The following DNAH2 variants were observed in gnomAD, a reference collection of about 807,000 sequenced individuals.
DNAH2 encodes dynein axonemal heavy chain 2, also known as axonemal beta dynein heavy chain 2.
Under a neutral mutation model 523.5 loss-of-function variants are expected in DNAH2, and 323 were observed. The observed-to-expected ratio is 0.62, with a 90% confidence interval of 0.56 to 0.68. DNAH2 has a LOEUF of 0.68. DNAH2 is among the 30% of genes least tolerant of loss of function. The pLI is 0.00. For synonymous variants in DNAH2, 2,093 were observed against 2,177.4 expected, an observed-to-expected ratio of 0.96 and a Z score of 1.08; for missense variants, 4,907 against 5,701.5, an observed-to-expected ratio of 0.86 and a Z score of 4.49.
intron 55 of DNAH2, 102 bp from the exon 56 acceptor site, chr17:7,799,001 G>A (rs1156340781): frequency 1.3e-6 from 2 of 1,488,734 alleles, no homozygotes; most frequent in South Asian, 1.3e-5. Flanking sequence ...AGGAGTTCAA[G>A]TCCAGCCTGG....
chr17:7,802,900 T>C (rs1279901349), intron 58 of DNAH2, among the ~76,000 whole-genome samples: 1 of 151,776 alleles, frequency 6.6e-6, no homozygotes, highest in East Asian at 1.9e-4. Flanking sequence ...CTTGAACTCC[T>C]GACCTCAGGT....
Position 7,758,950 on chromosome 17 carries a change from G to T in DNAH2, c.2274G>T (p.Met758Ile). The change falls in exon 15 of 86, where the codon ATG becomes ATT. Residue 758 changes from methionine (M) to isoleucine (I), a missense_variant. Physicochemically the swap from Met to Ile is conservative, Grantham distance 10. This residue lies in a region of DNAH2 where 2,806 missense variants were observed against 3,190.8 expected (regional missense o/e 0.88). Transcript: ENST00000572933. ...TLTIGWRAQE[M>I]SEKLLVRISG... The stretch of plus-strand genomic sequence containing the variant: ...CCATTGGCTGGCGAGCCCAAGAGAT[G>T]TCAGAGAAGCTGCTGGTACGCATTA... The T allele has an allele frequency of 1.2e-6, 2 of 1,614,198 alleles. No individual in the cohort carries two copies. The highest frequency in any genetic ancestry group is 1.7e-6 in the Non-Finnish European group (2 of 1,180,036).
At position 7,739,786 on chromosome 17, in the gene DNAH2, C is replaced by T. The variant is rs936677249; in HGVS notation, c.1224C>T (p.Pro408=). The change falls in exon 9 of 86, where the codon CCC becomes CCT. Residue 408 remains proline (P), a synonymous_variant. Coordinates refer to ENST00000572933, the MANE Select transcript of DNAH2 (RefSeq NM_020877.5). ...FARWEDGKQG[P]LPCFFGAQGP... Reference sequence around the variant, plus strand: ...GCTGGGAAGATGGCAAGCAGGGTCCCCTTCCTTGCTTCTTTGGTGCCCAGG... The same window carrying T: ...GCTGGGAAGATGGCAAGCAGGGTCCTCTTCCTTGCTTCTTTGGTGCCCAGG... 23 of 1,613,890 alleles carry T rather than the reference C, an allele frequency of 1.4e-5. No individual in the cohort carries two copies. The highest frequency in any genetic ancestry group is 1.9e-5 in the Non-Finnish European group (22 of 1,180,014).
rs757775571 is a variant in DNAH2, at chr17:7,807,200, T to G, written c.9493T>G (p.Ser3165Ala). 3 of 1,612,594 alleles carry G rather than the reference T, an allele frequency of 1.9e-6. No homozygotes were observed. The Admixed American group carries it at 5.0e-5, about 27-fold the overall frequency. Residue 3165 changes from serine to alanine, a missense_variant, in exon 62 of 86, where the codon TCA becomes GCA. Physicochemically the swap from Ser to Ala is moderately conservative, Grantham distance 99 (BLOSUM62 1). Transcript: ENST00000572933. This position sits in a 1 kb window ranked among gnomAD's most constrained non-coding sequence, Gnocchi z 5.6. ...SLINFDKDNISDKVLKKIGAY... is the reference protein window; with the variant it reads ...SLINFDKDNIADKVLKKIGAY... ...GATCAACTTTGATAAAGACAATATCTCAGATAAGGTTCTGAAGAAGATTGG... is the reference window on the plus strand; with the variant it reads ...GATCAACTTTGATAAAGACAATATCGCAGATAAGGTTCTGAAGAAGATTGG...
Position 7,727,712 on chromosome 17 carries a change from T to C in DNAH2, c.399+420T>C, listed in dbSNP as rs193072911. ...CGGAGGTTTCAGTGAGCCAAGATCA[T>C]GCCACTGCACTCCAGCCTGGTGACA... On this transcript the variant is annotated intron_variant, in intron 4 of 85. Transcript: ENST00000572933. Among the ~76,000 whole-genome samples, 3 of 134,360 alleles carry C rather than the reference T, an allele frequency of 2.2e-5. No individual in the cohort carries two copies. In the East Asian group the frequency reaches 6.3e-4, roughly 28 times the overall value. 88.1% of individuals were successfully genotyped at this position (134,360 alleles called of 152,430 possible). A position where few individuals can be genotyped will look rare whatever the true frequency, so the allele number is the denominator to read the frequency against.
At position 7,727,196 on chromosome 17, in the gene DNAH2, T is replaced by C. The variant is rs758920299; in HGVS notation, c.303T>C (p.Ile101=). The change falls in exon 4 of 86, where the codon ATT becomes ATC. Residue 101 remains isoleucine (I), a synonymous_variant. Coordinates refer to ENST00000572933, the MANE Select transcript of DNAH2 (RefSeq NM_020877.5). ...DAVWTQEHDA[I]LEHFAQDPTE... ...TGTGGACACAGGAGCATGATGCCAT[T>C]CTGGAACACTTTGCCCAGGACCCTA... The C allele has an allele frequency of 3.1e-6, 5 of 1,608,904 alleles. No individual in the cohort carries two copies. Among genetic ancestry groups the C allele is most frequent in the Admixed American group, 1.7e-5 (1 of 58,640 alleles).
rs765879278 is a variant in DNAH2 at position 7,719,708 on chromosome 17, T to C, written c.-14-13T>C. ...TATCTGCTTGTAGACTCTCCACTCC[T>C]GTATACCTGTAGGTTTTGCCTGCAC... On this transcript the variant is annotated splice_polypyrimidine_tract_variant and intron_variant, in intron 1 of 85. Transcript: ENST00000572933. 1.5e-5 allele frequency: 24 copies of C among 1,614,062 alleles called. No individual in the cohort carries two copies. The African/African-American group carries it at 1.7e-4, about 12-fold the overall frequency.
intron 9 of DNAH2, 64 bp from the exon 10 acceptor site, chr17:7,740,356 T>A: frequency 1.9e-6 from 3 of 1,599,462 alleles, no homozygotes; most frequent in Non-Finnish European, 2.6e-6. Flanking sequence ...GGATTCTTCC[T>A]CAGGGGTTGG....
chr17:7,779,329 G>A lies in DNAH2; in HGVS notation c.5628G>A (p.Leu1876=), dbSNP rs1456946341. The change falls in exon 36 of 86, where the codon CTG becomes CTA. Residue 1876 remains leucine (L), a synonymous_variant. Coordinates refer to ENST00000572933, the MANE Select transcript of DNAH2 (RefSeq NM_020877.5). The stretch of plus-strand genomic sequence containing the variant: ...TGGCCCACCAGATCCTGTGCATCCT[G>A]TCTGCCCTGGCTGCCGGCCTCACCC... ...SVVAHQILCI[L]SALAAGLTHF... 6.8e-6 allele frequency: 11 copies of A among 1,614,050 alleles called. No individual in the cohort carries two copies. Among genetic ancestry groups the A allele is most frequent in the Admixed American group, 1.7e-5 (1 of 59,998 alleles).
intron 22 of DNAH2, 39 bp downstream of exon 22, chr17:7,766,520 A>T: frequency 6.2e-7 from 1 of 1,603,282 alleles, no homozygotes; most frequent in Non-Finnish European, 8.5e-7. Context: ...CACTGTCGAT[A>T]AGGGGCAGGG....
chr17:7,832,496 C>T lies in DNAH2; in HGVS notation c.12727-83C>T. ...TGCACTCCAGCCTGGGGGACAAGAG[C>T]AAAACTCTGTCTCTAAATAAATAAA... On this transcript the variant is annotated intron_variant, in intron 82 of 85. Coordinates refer to ENST00000572933, the MANE Select transcript of DNAH2 (RefSeq NM_020877.5). This position sits in a 1 kb window ranked among gnomAD's most constrained non-coding sequence, Gnocchi z 4.3. The T allele has an allele frequency of 6.6e-7, 1 of 1,524,346 alleles. No homozygotes were observed. 94.4% of individuals were successfully genotyped at this position (1,524,346 alleles called of 1,614,324 possible). A position where few individuals can be genotyped will look rare whatever the true frequency, so the allele number is the denominator to read the frequency against.
At chr17:7,826,609 G>T (rs142877986) in intron 77 of DNAH2, among the ~76,000 whole-genome samples, 1 of 138,700 alleles carries the variant, frequency 7.2e-6, no homozygotes, top group Non-Finnish European at 1.5e-5. Flanking sequence ...GCGCCATCTC[G>T]GCTCACTGAA....
In DNAH2 at chr17:7,780,911, G is replaced by T; in HGVS notation, c.6003+129G>T. 4 of 1,579,526 alleles carry T rather than the reference G, an allele frequency of 2.5e-6. No individual in the cohort carries two copies. The South Asian group carries it at 4.5e-5, about 18-fold the overall frequency. On this transcript the variant is annotated intron_variant, in intron 38 of 85. Coordinates refer to ENST00000572933, the MANE Select transcript of DNAH2 (RefSeq NM_020877.5). The surrounding 1 kb of genome is among the most constrained non-coding windows in gnomAD (Gnocchi z 4.4). ...CACCTTCCCACCTCGTCCCATCCCC[G>T]TGTTGCCCGCTGCTTTGCTAATGGC...
Position 7,770,613 on chromosome 17 carries a change from C to T in DNAH2, c.4155C>T (p.Tyr1385=). 3 of 1,614,178 alleles carry T rather than the reference C, an allele frequency of 1.9e-6. No homozygotes were observed. Among genetic ancestry groups the T allele is most frequent in the Non-Finnish European group, 2.5e-6 (3 of 1,180,046 alleles). ...TGACTCAGCTCGACATAGTACCCTACAAGGATAAGGGCCATCATCGGCTCA... is the reference window on the plus strand; with the variant it reads ...TGACTCAGCTCGACATAGTACCCTATAAGGATAAGGGCCATCATCGGCTCA... The part of the protein sequence containing the change: ...WDVTQLDIVP[Y]KDKGHHRLRG... Residue 1385 remains tyrosine (Y), a synonymous_variant, in exon 26 of 86, where the codon TAC becomes TAT. Transcript: ENST00000572933.
intron 61 of DNAH2, among the ~76,000 whole-genome samples, chr17:7,805,694 AAAT>A (rs1414785070): frequency 6.5e-4 from 99 of 152,090 alleles, no homozygotes; most frequent in Admixed American, 6.4e-3. Context: ...CTACAAAAAA[AAAT>A]GCAAAAATTA....
At chr17:7,757,488 C>T (rs2075878022) in intron 13 of DNAH2, among the ~76,000 whole-genome samples, 1 of 152,022 alleles carries the variant, frequency 6.6e-6, no homozygotes, top group South Asian at 2.1e-4. Flanking sequence ...TCACTTGTAC[C>T]ATATATATTG....
In DNAH2 at chr17:7,798,182, A is replaced by G. The variant is rs1362612477; in HGVS notation, c.8256A>G (p.Gly2752=). The part of the protein sequence containing the change: ...EHITRIVRVI[G]QPRGNMLLVG... Reference sequence around the variant, plus strand: ...TCACACGGATCGTGCGGGTCATTGGACAGCCTCGGGGCAACATGCTCCTGG... The same window carrying G: ...TCACACGGATCGTGCGGGTCATTGGGCAGCCTCGGGGCAACATGCTCCTGG... Residue 2752 remains glycine, a synonymous_variant, in exon 54 of 86, where the codon GGA becomes GGG. Coordinates refer to ENST00000572933, the MANE Select transcript of DNAH2 (RefSeq NM_020877.5). This position sits in a 1 kb window ranked among gnomAD's most constrained non-coding sequence, Gnocchi z 5.5. 3 of 1,607,362 alleles carry G rather than the reference A, an allele frequency of 1.9e-6. No homozygotes were observed. Among genetic ancestry groups the G allele is most frequent in the Non-Finnish European group, 2.6e-6 (3 of 1,174,870 alleles).
In DNAH2 at chr17:7,786,251, C is replaced by A; in HGVS notation, c.6257C>A (p.Thr2086Lys). ...SRHSTMIVGCTGSGKTASWRI... is the reference protein window; with the variant it reads ...SRHSTMIVGCKGSGKTASWRI... ...CACTCCACCATGATCGTGGGCTGCA[C>A]GGGCAGCGGCAAGACTGCCTCATGG... Residue 2086 changes from threonine (T) to lysine (K), a missense_variant, in exon 40 of 86, where the codon ACG becomes AAG. Coordinates refer to ENST00000572933, the MANE Select transcript of DNAH2 (RefSeq NM_020877.5). This position sits in a 1 kb window ranked among gnomAD's most constrained non-coding sequence, Gnocchi z 7.5. 4 of 1,614,068 alleles carry A rather than the reference C, an allele frequency of 2.5e-6. No individual in the cohort carries two copies. Among genetic ancestry groups the A allele is most frequent in the Non-Finnish European group, 3.4e-6 (4 of 1,180,016 alleles).
Position 7,719,830 on chromosome 17 carries a change from A to G in DNAH2, c.96A>G (p.Thr32=). ...SGRATRAAVA[T]QEQGNAPAVS... ...GGGCCACTCGGGCTGCTGTGGCCACACAGGAGCAGGGGAATGCCCCGGCTG... is the reference window on the plus strand; with the variant it reads ...GGGCCACTCGGGCTGCTGTGGCCACGCAGGAGCAGGGGAATGCCCCGGCTG... Residue 32 remains threonine, a synonymous_variant, in exon 2 of 86, where the codon ACA becomes ACG. Coordinates refer to ENST00000572933, the MANE Select transcript of DNAH2 (RefSeq NM_020877.5). 1 of 1,611,394 alleles carries G rather than the reference A, an allele frequency of 6.2e-7. No individual in the cohort carries two copies. The highest frequency in any genetic ancestry group is 8.5e-7 in the Non-Finnish European group (1 of 1,178,678).
Sources: allele counts gnomAD v4.1 joint callset (sites outside exome capture counted in the v4.1 genomes callset), GRCh38; gene constraint gnomAD v4.1.1; regional missense constraint gnomAD v4.1.1; non-coding constraint Gnocchi (gnomAD v3.1); transcripts MANE v1.5; gene names NCBI Gene and HGNC (gene_info 2026-07-23, HGNC 2026-07-21).